The following NCKAP1 variants were observed in gnomAD, a reference collection of about 807,000 sequenced individuals.
NCKAP1 encodes the protein NCK associated protein 1.
A neutral mutation model predicts 151.2 loss-of-function variants in NCKAP1; 21 were observed. That is an observed-to-expected ratio of 0.14 (90% CI 0.10 to 0.20). NCKAP1 has a LOEUF of 0.20. Among genes scored for constraint, NCKAP1 ranks in the 10% least tolerant of loss-of-function variants. The pLI is 1.00. For missense variants in NCKAP1, 933 were observed against 1,352.1 expected (o/e 0.69, Z 4.86); for synonymous variants, 484 against 451.8 (o/e 1.07, Z -0.90).
chr2:182,969,412 C>T (rs1298335177), intron 15 of NCKAP1, among the ~76,000 whole-genome samples: 1 of 151,818 alleles, frequency 6.6e-6, no homozygotes, highest in Non-Finnish European at 1.5e-5. Context: ...TATACCAAAA[C>T]CTATGAAATA....
chr2:183,014,618 G>A (rs1698649416), intron 2 of NCKAP1, among the ~76,000 whole-genome samples: 1 of 152,158 alleles, frequency 6.6e-6, no homozygotes, highest in Non-Finnish European at 1.5e-5. Context: ...GCCAAGATGA[G>A]TACTACGAAG....
intron 24 of NCKAP1, among the ~76,000 whole-genome samples, chr2:182,938,203 T>C (rs137882467): frequency 1.4e-3 from 219 of 152,260 alleles, no homozygotes; most frequent in African/African-American, 4.8e-3. Flanking sequence ...TGGAGATCAA[T>C]AGAAGAGAGT....
At chr2:183,003,104 G>T in intron 3 of NCKAP1, 74 bp from the exon 4 acceptor site, 1 of 1,392,652 alleles carries the variant, frequency 7.2e-7, no homozygotes, top group Non-Finnish European at 9.9e-7. Context: ...AACAAATAAG[G>T]TATGTGTTAA....
intron 23 of NCKAP1, among the ~76,000 whole-genome samples, chr2:182,944,165 T>C (rs1697052309): frequency 6.6e-6 from 1 of 152,216 alleles, no homozygotes; most frequent in Non-Finnish European, 1.5e-5. Flanking sequence ...TTGCTCTCTA[T>C]AAAGTTATTG....
rs1320898466 is a variant in NCKAP1, at chr2:182,942,156, A to G, written c.2609T>C (p.Val870Ala). 2 of 1,610,068 alleles carry G rather than the reference A, an allele frequency of 1.2e-6. No individual in the cohort carries two copies. The highest frequency in any genetic ancestry group is 1.7e-6 in the Non-Finnish European group (2 of 1,177,842). Reference protein sequence around the residue: ...SSQVAELKKLVVENVDVLTQM... With the variant: ...SSQVAELKKLAVENVDVLTQM... ...TGTTAACACATCAACATTCTCCACC[A>G]CAAGTTTCTAAAAAAAAAAGAAAGA... The change falls in exon 24 of 31, where the codon GTG (valine) becomes GCG (alanine). Residue 870 changes from valine to alanine, a missense_variant. Around this residue, in one of 2 missense-constraint regions of NCKAP1, gnomAD observed 326 missense variants for 557.1 expected, o/e 0.59. Transcript: ENST00000361354.
At chr2:183,024,228 T>C (rs1339405258) in intron 1 of NCKAP1, among the ~76,000 whole-genome samples, 1 of 152,132 alleles carries the variant, frequency 6.6e-6, no homozygotes, top group Non-Finnish European at 1.5e-5. Context: ...ATTGTATTCA[T>C]CTGAAGCTAA....
At position 182,918,403 on chromosome 2, in the gene NCKAP1, A is replaced by T. The variant is rs894155538; in HGVS notation, c.*7299T>A. The T allele has an allele frequency of 7.9e-5, 12 of 152,324 alleles. No homozygotes were observed. Among genetic ancestry groups the T allele is most frequent in the African/African-American group, 2.6e-4 (11 of 41,582 alleles). The allele number at this position is 152,324 out of a possible 1,614,324, so 9.4% of individuals were successfully genotyped here. A position where few individuals can be genotyped will look rare whatever the true frequency, so the allele number is the denominator to read the frequency against. On this transcript the variant is annotated 3_prime_UTR_variant, in exon 31 of 31. Transcript: ENST00000361354. ...GCATGTGTATATTTATTGCAGCACA[A>T]TTCATAACTGCAAAGATATGGAACC...
chr2:182,967,456 T>TA, intron 15 of NCKAP1, 95 bp from the exon 16 acceptor site: 1 of 1,126,350 alleles, frequency 8.9e-7, no homozygotes, highest in Non-Finnish European at 1.3e-6. Context: ...GAAAGATACT[T>TA]AAACTATCTA....
At chr2:182,996,145 GC>G (rs1252769269) in intron 6 of NCKAP1, among the ~76,000 whole-genome samples, 1 of 152,192 alleles carries the variant, frequency 6.6e-6, no homozygotes, top group Non-Finnish European at 1.5e-5. Flanking sequence ...GGGATAGACA[GC>G]CCACTGTCAC....
chr2:182,934,364 G>A (rs1232377352), intron 26 of NCKAP1: 2 of 152,186 alleles, frequency 1.3e-5, no homozygotes, highest in African/African-American at 4.9e-5. Flanking sequence ...AGCCAGGATG[G>A]TCTTGATCTC....
At chr2:182,951,498 G>T (rs376492845) in intron 23 of NCKAP1, among the ~76,000 whole-genome samples, 1 of 151,490 alleles carries the variant, frequency 6.6e-6, no homozygotes. Context: ...GTGAAACACC[G>T]TCTCTACTAA....
At chr2:183,017,751 T>TG (rs1698721234) in intron 2 of NCKAP1, among the ~76,000 whole-genome samples, 1 of 152,048 alleles carries the variant, frequency 6.6e-6, no homozygotes, top group Non-Finnish European at 1.5e-5. Flanking sequence ...ATATACACTA[T>TG]GGGGGGAGAA....
chr2:182,959,978 A>G (rs1286057263), intron 18 of NCKAP1, among the ~76,000 whole-genome samples: 1 of 152,210 alleles, frequency 6.6e-6, no homozygotes, highest in Non-Finnish European at 1.5e-5. Context: ...ACTCCCATTC[A>G]CAATTGCTTC....
chr2:182,931,747 T>C (rs1029050168), intron 26 of NCKAP1, among the ~76,000 whole-genome samples: 1 of 152,148 alleles, frequency 6.6e-6, no homozygotes, highest in Non-Finnish European at 1.5e-5. Flanking sequence ...AATCTGTTAA[T>C]GGACTTGTAT....
chr2:183,027,042 ACATC>A (rs1698911560), intron 1 of NCKAP1, among the ~76,000 whole-genome samples: 1 of 150,584 alleles, frequency 6.6e-6, no homozygotes, highest in African/African-American at 2.4e-5. Flanking sequence ...TTAAGCCTAA[ACATC>A]TAAATACAGC....
rs557705946 is a variant in NCKAP1, at chr2:182,923,338, T to A, written c.*2364A>T. The A allele has an allele frequency of 6.6e-6, 1 of 152,176 alleles. No individual in the cohort carries two copies. Among genetic ancestry groups the A allele is most frequent in the Non-Finnish European group, 1.5e-5 (1 of 68,066 alleles). The allele number at this position is 152,176 out of a possible 1,614,324, so 9.4% of individuals were successfully genotyped here. ...TCCAGGCTGGAGTGCAGTGGTGTGA[T>A]CTCAGCTCACAGCAACCTCCTCCTT... On this transcript the variant is annotated 3_prime_UTR_variant, in exon 31 of 31. Transcript: ENST00000361354.
chr2:183,006,764 G>A (rs1240727241), intron 2 of NCKAP1, among the ~76,000 whole-genome samples: 2 of 151,970 alleles, frequency 1.3e-5, no homozygotes, highest in Non-Finnish European at 2.9e-5. Flanking sequence ...GAAATAAAAA[G>A]CAGAAAATGG....
At chr2:182,959,609 T>A (rs1226822153) in intron 18 of NCKAP1, among the ~76,000 whole-genome samples, 3 of 152,168 alleles carry the variant, frequency 2.0e-5, no homozygotes, top group Non-Finnish European at 2.9e-5. Flanking sequence ...CAGCCATCTA[T>A]GACAAACCCA....
At chr2:182,970,213 G>A (rs924454847) in intron 15 of NCKAP1, among the ~76,000 whole-genome samples, 1 of 152,150 alleles carries the variant, frequency 6.6e-6, no homozygotes, top group Admixed American at 6.5e-5. Context: ...TACTCAAACT[G>A]TTCCAAATAA....
Sources: gnomAD v4.1 joint callset for allele counts (sites outside exome capture counted in the v4.1 genomes callset) on GRCh38, gnomAD v4.1.1 for gene constraint, gnomAD v4.1.1 regional missense constraint, MANE v1.5 for transcripts, NCBI Gene and HGNC (gene_info 2026-07-23, HGNC 2026-07-21) for gene names.